ALK: variants seen among roughly 807,000 people sequenced by gnomAD.
ALK encodes the protein ALK receptor tyrosine kinase, also known as ALK tyrosine kinase receptor.
ALK carries 74 observed loss-of-function variants against 163.1 expected under a neutral mutation model. The ratio of observed to expected loss-of-function variants is 0.45; its 90% CI spans 0.38 to 0.55. ALK has a LOEUF of 0.55. Ranked by LOEUF, ALK falls within the 20% of genes least tolerant of loss-of-function variation. The pLI, the probability that ALK is intolerant of heterozygous loss-of-function variation, is 0.00. For missense variants in ALK, 2,063 were observed against 2,105.3 expected (o/e 0.98, Z 0.39); for synonymous variants, 960 against 843.2 (o/e 1.14, Z -2.40).
At chr2:29,714,481 T>G (rs1334013093) in intron 2 of ALK, among the ~76,000 whole-genome samples, 1 of 152,104 alleles carries the variant, frequency 6.6e-6, no homozygotes, top group Non-Finnish European at 1.5e-5. Context: ...CATAAAACAC[T>G]GGAAAAAAGA....
At chr2:29,500,048 C>T (rs757800015) in intron 4 of ALK, among the ~76,000 whole-genome samples, 21 of 152,316 alleles carry the variant, frequency 1.4e-4, no homozygotes, top group African/African-American at 2.2e-4. Context: ...CTCCTCAACA[C>T]GGCTCCTCAA....
intron 4 of ALK, among the ~76,000 whole-genome samples, chr2:29,490,378 T>A (rs1436835637): frequency 6.6e-6 from 1 of 152,184 alleles, no homozygotes; most frequent in East Asian, 1.9e-4. Context: ...GCCAGGTCAA[T>A]GTTGGGGAAA....
At chr2:29,915,972 A>G (rs897690667) in intron 1 of ALK, among the ~76,000 whole-genome samples, 3 of 152,254 alleles carry the variant, frequency 2.0e-5, no homozygotes, top group African/African-American at 7.2e-5. Context: ...TCAAAGATGT[A>G]TATGCAATTC....
chr2:29,597,677 C>G (rs1403063353), intron 3 of ALK, among the ~76,000 whole-genome samples: 8 of 152,166 alleles, frequency 5.3e-5, no homozygotes, highest in Admixed American at 5.2e-4. Context: ...AATGTGGAAC[C>G]TTAGCCATGA....
chr2:29,872,194 T>A (rs978899983), intron 1 of ALK, among the ~76,000 whole-genome samples: 5 of 152,192 alleles, frequency 3.3e-5, no homozygotes, highest in African/African-American at 1.2e-4. Flanking sequence ...ATCTGAAACA[T>A]TCTTAATTCA....
intron 1 of ALK, among the ~76,000 whole-genome samples, chr2:29,755,273 G>T (rs778598080): frequency 3.3e-5 from 5 of 152,188 alleles, no homozygotes; most frequent in African/African-American, 1.2e-4. Flanking sequence ...GTCCCTGCCG[G>T]TGAATGGCCC....
intron 24 of ALK, 42 bp downstream of exon 24, chr2:29,213,942 C>G (rs778174192): frequency 3.9e-6 from 6 of 1,545,876 alleles, no homozygotes; most frequent in Non-Finnish European, 5.4e-6. Context: ...GCACACAGAT[C>G]AGCGACAGGA....
At chr2:29,444,116 GTTTA>G in intron 4 of ALK, among the ~76,000 whole-genome samples, 1 of 152,336 alleles carries the variant, frequency 6.6e-6, no homozygotes, top group Middle Eastern at 3.4e-3. Flanking sequence ...CCATTGGAAT[GTTTA>G]TTTAGTCTGC....
chr2:29,897,082 G>A (rs1667290592), intron 1 of ALK, among the ~76,000 whole-genome samples: 1 of 152,174 alleles, frequency 6.6e-6, no homozygotes. Flanking sequence ...CACTTTGGGA[G>A]GCTGAGGTGG....
At chr2:29,555,518 T>A (rs1673828017) in intron 3 of ALK, among the ~76,000 whole-genome samples, 1 of 152,226 alleles carries the variant, frequency 6.6e-6, no homozygotes, top group Non-Finnish European at 1.5e-5. Flanking sequence ...TGTCCATTTC[T>A]GTAAGTGGAA....
At chr2:29,878,244 C>T (rs765856717) in intron 1 of ALK, among the ~76,000 whole-genome samples, 6 of 152,050 alleles carry the variant, frequency 3.9e-5, no homozygotes, top group African/African-American at 9.7e-5. Context: ...TTCTACCCAC[C>T]GAGGAAGGGC....
At chr2:29,704,311 C>A (rs781527445) in intron 2 of ALK, among the ~76,000 whole-genome samples, 9 of 152,118 alleles carry the variant, frequency 5.9e-5, no homozygotes, top group Non-Finnish European at 1.3e-4. Flanking sequence ...ATCCTCTTTG[C>A]TCGAGGGATT....
intron 3 of ALK, among the ~76,000 whole-genome samples, chr2:29,690,702 T>C (rs796658076): frequency 5.9e-5 from 9 of 152,330 alleles, no homozygotes; most frequent in African/African-American, 2.2e-4. Flanking sequence ...TGTATCTTCC[T>C]TATTATTCTC....
chr2:29,675,970 C>G (rs1454638008), intron 3 of ALK, among the ~76,000 whole-genome samples: 1 of 152,098 alleles, frequency 6.6e-6, no homozygotes, highest in African/African-American at 2.4e-5. Flanking sequence ...AAGCAATCCT[C>G]CTGCATTGGC....
intron 4 of ALK, among the ~76,000 whole-genome samples, chr2:29,500,179 G>T (rs945415252): frequency 6.6e-6 from 1 of 152,208 alleles, no homozygotes; most frequent in Non-Finnish European, 1.5e-5. Context: ...GTAATACCCA[G>T]TGTTGGAGGT....
chr2:29,292,971 A>G (rs779394389), intron 9 of ALK, among the ~76,000 whole-genome samples: 2 of 152,200 alleles, frequency 1.3e-5, no homozygotes, highest in African/African-American at 2.4e-5. Context: ...AGTTCTCTCT[A>G]TCACAAGGAC....
intron 1 of ALK, among the ~76,000 whole-genome samples, chr2:29,767,334 G>A (rs1222508754): frequency 6.6e-6 from 1 of 152,128 alleles, no homozygotes; most frequent in Non-Finnish European, 1.5e-5. Flanking sequence ...AAGAGATGGG[G>A]GCTCAGCAGG....
chr2:29,229,646 G>C (rs900069225), intron 15 of ALK, among the ~76,000 whole-genome samples: 1 of 152,154 alleles, frequency 6.6e-6, no homozygotes, highest in African/African-American at 2.4e-5. Context: ...CCTGTGGCTT[G>C]GGGATAATAA....
At chr2:29,702,763 G>A (rs1343438145) in intron 2 of ALK, among the ~76,000 whole-genome samples, 3 of 152,234 alleles carry the variant, frequency 2.0e-5, no homozygotes, top group Non-Finnish European at 4.4e-5. Flanking sequence ...GAGTGTGTGT[G>A]CAGGGGAACT....
Sources: allele counts gnomAD v4.1 joint callset (sites outside exome capture counted in the v4.1 genomes callset), GRCh38; gene constraint gnomAD v4.1.1; transcripts MANE v1.5; gene names NCBI Gene and HGNC (gene_info 2026-07-23, HGNC 2026-07-21).